Variants in PDE1A observed in about 807,000 individuals in gnomAD.
The protein encoded by PDE1A is phosphodiesterase 1A.
PDE1A carries 35 observed loss-of-function variants against 61.7 expected under a neutral mutation model. The ratio of observed to expected loss-of-function variants is 0.57; its 90% confidence interval spans 0.43 to 0.75. PDE1A has a LOEUF of 0.75. Among genes scored for constraint, PDE1A ranks in the 30% least tolerant of loss-of-function variants. The pLI is 0.00. For missense variants in PDE1A, 597 were observed against 630.6 expected, an observed-to-expected ratio of 0.95 and a Z score of 0.57; for synonymous variants, 232 against 213.2, an observed-to-expected ratio of 1.09 and a Z score of -0.77.
the PDE1A span, among the ~76,000 whole-genome samples, chr2:182,557,749 TAAA>T: frequency 6.6e-6 from 1 of 151,636 alleles, no homozygotes; most frequent in Non-Finnish European, 1.5e-5. Context: ...ATAAATAAAA[TAAA>T]AAAGTCTCTA....
chr2:182,519,903 A>G (rs1690459253), intron 2 of PDE1A, among the ~76,000 whole-genome samples: 1 of 151,918 alleles, frequency 6.6e-6, no homozygotes, highest in African/African-American at 2.4e-5. Context: ...ATGCCAAAAT[A>G]AGTCAATATA....
chr2:182,489,273 G>A, intron 2 of PDE1A, among the ~76,000 whole-genome samples: 1 of 152,160 alleles, frequency 6.6e-6, no homozygotes, highest in East Asian at 1.9e-4. Context: ...GCCAGTGTGT[G>A]AGAAAAGAAA....
intron 2 of PDE1A, among the ~76,000 whole-genome samples, chr2:182,511,610 G>A (rs111448993): frequency 3.2e-4 from 48 of 152,276 alleles, no homozygotes; most frequent in African/African-American, 1.0e-3. Context: ...AGCCAGGGAT[G>A]CCCATCTCCC....
chr2:182,484,477 C>A (rs1017760932), intron 2 of PDE1A, among the ~76,000 whole-genome samples: 5 of 151,896 alleles, frequency 3.3e-5, no homozygotes, highest in African/African-American at 4.8e-5. Flanking sequence ...GATAAAGATA[C>A]CAAAAGCAAT....
At chr2:182,610,321 C>T in the PDE1A span, among the ~76,000 whole-genome samples, 6 of 152,224 alleles carry the variant, frequency 3.9e-5, no homozygotes, top group South Asian at 6.2e-4. Flanking sequence ...TAAGTCAATT[C>T]GTATGCCTTT....
intron 1 of PDE1A, among the ~76,000 whole-genome samples, chr2:182,353,621 A>G (rs1699014694): frequency 6.6e-6 from 1 of 152,132 alleles, no homozygotes; most frequent in African/African-American, 2.4e-5. Context: ...TATTGAAAGG[A>G]AACAATGAAA....
At chr2:182,622,050 C>G in the PDE1A span, among the ~76,000 whole-genome samples, 1 of 152,032 alleles carries the variant, frequency 6.6e-6, no homozygotes, top group Non-Finnish European at 1.5e-5. Context: ...TCCAGATGTG[C>G]AAAATATGCC....
At chr2:182,185,125 C>T (rs545536811) in intron 13 of PDE1A, among the ~76,000 whole-genome samples, 2 of 151,732 alleles carry the variant, frequency 1.3e-5, no homozygotes, top group Non-Finnish European at 2.9e-5. Flanking sequence ...GCAAAAAACA[C>T]AAGGAAAAAA....
chr2:182,635,612 A>G, the PDE1A span, among the ~76,000 whole-genome samples: 1 of 151,890 alleles, frequency 6.6e-6, no homozygotes, highest in East Asian at 1.9e-4. Context: ...CTGTTCCCAC[A>G]TCTTCGGTTG....
chr2:182,142,209 G>C (rs143022430), downstream of PDE1A: 93 of 151,204 alleles, frequency 6.2e-4, no homozygotes, highest in African/African-American at 2.1e-3. Context: ...CATTCTGATG[G>C]GATAAACATC....
At chr2:182,263,019 A>G (rs879268112) in intron 2 of PDE1A, among the ~76,000 whole-genome samples, 30 of 151,000 alleles carry the variant, frequency 2.0e-4, no homozygotes, top group Non-Finnish European at 3.5e-4. Context: ...AGTCCAGTAC[A>G]CATAGGTAAA....
intron 10 of PDE1A, among the ~76,000 whole-genome samples, chr2:182,196,509 A>C (rs1455680961): frequency 6.6e-6 from 1 of 151,850 alleles, no homozygotes; most frequent in East Asian, 1.9e-4. Context: ...AAAAAAAATT[A>C]AAGGGAAATT....
At chr2:182,241,915 T>C in intron 2 of PDE1A, 2 of 1,530,884 alleles carry the variant, frequency 1.3e-6, no homozygotes, top group African/African-American at 2.7e-5. Context: ...TTTTGCCCAT[T>C]TGAAATTAGA....
At chr2:182,636,716 G>A in the PDE1A span, among the ~76,000 whole-genome samples, 93,713 of 152,086 alleles carry the variant, frequency 0.62, 29,115 homozygotes, top group Admixed American at 0.71. Context: ...TATAGTTGAG[G>A]AGTCGGTCAG....
chr2:182,633,260 A>G, the PDE1A span, among the ~76,000 whole-genome samples: 3 of 152,204 alleles, frequency 2.0e-5, no homozygotes, highest in Non-Finnish European at 2.9e-5. Context: ...CTGAAAATCA[A>G]AAACAACTTT....
chr2:182,595,008 G>C, the PDE1A span, among the ~76,000 whole-genome samples: 1 of 152,280 alleles, frequency 6.6e-6, no homozygotes, highest in South Asian at 2.1e-4. Context: ...ACTGTGCATA[G>C]TTAGTGGTAC....
At chr2:182,352,209 G>C (rs778479541) in intron 1 of PDE1A, among the ~76,000 whole-genome samples, 2 of 152,200 alleles carry the variant, frequency 1.3e-5, no homozygotes, top group Non-Finnish European at 2.9e-5. Flanking sequence ...ACTGTTCACG[G>C]TGTAAAATGG....
intron 7 of PDE1A, among the ~76,000 whole-genome samples, chr2:182,217,802 C>G (rs1339360667): frequency 1.3e-5 from 2 of 150,800 alleles, no homozygotes; most frequent in East Asian, 4.0e-4. Flanking sequence ...GAAATAGGAA[C>G]ACTTTTACAC....
At chr2:182,281,321 A>G (rs1559291032) in intron 1 of PDE1A, among the ~76,000 whole-genome samples, 1 of 151,970 alleles carries the variant, frequency 6.6e-6, no homozygotes, top group Non-Finnish European at 1.5e-5. Context: ...AAGAAATGCT[A>G]AAGAACGTTA....
Sources: allele counts gnomAD v4.1 joint callset (sites outside exome capture counted in the v4.1 genomes callset), GRCh38; gene constraint gnomAD v4.1.1; transcripts MANE v1.5; gene names NCBI Gene and HGNC (gene_info 2026-07-23, HGNC 2026-07-21).